Variants in DLGAP4 observed in about 807,000 individuals in gnomAD.
DLGAP4 encodes disks large-associated protein 4.
A neutral mutation model predicts 86.9 loss-of-function variants in DLGAP4; 18 were observed. The ratio of observed to expected loss-of-function variants is 0.21; its 90% CI spans 0.14 to 0.31. The LOEUF (loss-of-function observed/expected upper bound fraction) is 0.31. Among genes scored for constraint, DLGAP4 ranks in the 10% least tolerant of loss-of-function variants. DLGAP4 has a pLI of 1.00. For missense variants in DLGAP4, 1,085 were observed against 1,362.6 expected (o/e 0.80, Z 3.21); for synonymous variants, 548 against 574.3 (o/e 0.95, Z 0.65).
intron 7 of DLGAP4, among the ~76,000 whole-genome samples, chr20:36,491,691 C>T (rs148346268): frequency 6.6e-5 from 10 of 152,130 alleles, no homozygotes; most frequent in Admixed American, 1.3e-4. Context: ...GATGGATGGG[C>T]AGGGACCAAG....
chr20:36,412,979 CTT>C (rs71184093), intron 2 of DLGAP4, among the ~76,000 whole-genome samples: 202 of 110,836 alleles, frequency 1.8e-3, no homozygotes, highest in East Asian at 1.7e-3. Context: ...GAACTCTTTT[CTT>C]TTTTTTTTTT....
chr20:36,460,237 G>A (rs574654443), intron 7 of DLGAP4, among the ~76,000 whole-genome samples: 2 of 152,310 alleles, frequency 1.3e-5, no homozygotes, highest in South Asian at 4.1e-4. Context: ...AGGCCGAGGT[G>A]GGAGGATCGC....
In DLGAP4 at chr20:36,524,278, C is replaced by T. The variant is rs547703114; in HGVS notation, c.2541C>T (p.Gly847=). Residue 847 remains glycine, a synonymous_variant, in exon 11 of 13, where the codon GGC becomes GGT. Transcript: ENST00000339266. ...TAGGAAAAGTCCTCAGTGCTGTGGGCAGTGCCCAGCTACTGATGTCCCAGA... is the reference window on the plus strand; with the variant it reads ...TAGGAAAAGTCCTCAGTGCTGTGGGTAGTGCCCAGCTACTGATGTCCCAGA... ...EVLGKVLSAV[G]SAQLLMSQKF... is the part of the protein sequence containing the mutation. The T allele has an allele frequency of 1.6e-5, 26 of 1,614,094 alleles. No individual in the cohort carries two copies. In the South Asian group the frequency reaches 2.5e-4, roughly 16 times the overall value.
chr20:36,485,212 T>A (rs1167009852), intron 7 of DLGAP4, among the ~76,000 whole-genome samples: 1 of 151,922 alleles, frequency 6.6e-6, no homozygotes, highest in African/African-American at 2.4e-5. Flanking sequence ...AAAGACCCCA[T>A]CTCTACAAAA....
intron 1 of DLGAP4, among the ~76,000 whole-genome samples, chr20:36,348,418 C>CT (rs375363262): frequency 2.0e-4 from 30 of 150,112 alleles, no homozygotes; most frequent in African/African-American, 2.7e-4. Context: ...AGCTTACTTT[C>CT]TTTTTTTTTT....
chr20:36,358,226 A>G (rs973836250), intron 1 of DLGAP4, among the ~76,000 whole-genome samples: 1 of 152,232 alleles, frequency 6.6e-6, no homozygotes, highest in Non-Finnish European at 1.5e-5. Context: ...GACAGTGGAT[A>G]TGAAAATGCA....
At chr20:36,416,032 C>T (rs1442608151) in intron 2 of DLGAP4, among the ~76,000 whole-genome samples, 1 of 152,198 alleles carries the variant, frequency 6.6e-6, no homozygotes, top group Non-Finnish European at 1.5e-5. Flanking sequence ...CAGCCACAGA[C>T]CTGTCTTCCT....
intron 1 of DLGAP4, among the ~76,000 whole-genome samples, chr20:36,316,093 A>G (rs2065096611): frequency 6.6e-6 from 1 of 152,172 alleles, no homozygotes; most frequent in Admixed American, 6.5e-5. Flanking sequence ...CACAAAGCGG[A>G]AGGTGGGCTC....
rs147681012 is a variant in DLGAP4 at position 36,488,072 on chromosome 20, C to T, written c.1649-8633C>T. On this transcript the variant is annotated intron_variant, in intron 7 of 12. Coordinates refer to ENST00000339266, the MANE Select transcript of DLGAP4 (RefSeq NM_001365621.2). The stretch of plus-strand genomic sequence containing the variant: ...AAAATTAGCCGGGCATGGTGGCGCG[C>T]GCCTATAATCCCAGCTACTCAGGAG... Among the ~76,000 whole-genome samples the T allele has an allele frequency of 4.5e-3, 679 of 151,324 alleles. 5 individuals are homozygous for T. The highest frequency in any genetic ancestry group is 0.015 in the African/African-American group (600 of 41,244).
intron 7 of DLGAP4, among the ~76,000 whole-genome samples, chr20:36,463,201 G>A (rs1175295897): frequency 6.6e-6 from 1 of 152,250 alleles, no homozygotes; most frequent in Middle Eastern, 3.4e-3. Context: ...CTAACCTCTG[G>A]GGCCTTGGTT....
chr20:36,377,152 G>A (rs899321393), intron 2 of DLGAP4, among the ~76,000 whole-genome samples: 1 of 152,214 alleles, frequency 6.6e-6, no homozygotes, highest in Non-Finnish European at 1.5e-5. Context: ...TCCAGGGAAG[G>A]AGATCCCAGC....
chr20:36,463,831 C>T (rs897485163), intron 7 of DLGAP4, among the ~76,000 whole-genome samples: 2 of 152,144 alleles, frequency 1.3e-5, no homozygotes, highest in Non-Finnish European at 2.9e-5. Flanking sequence ...TGTCAAGGAG[C>T]TTAGGATGTC....
At chr20:36,437,561 TAGAC>T (rs927762376) in intron 4 of DLGAP4, among the ~76,000 whole-genome samples, 1 of 152,172 alleles carries the variant, frequency 6.6e-6, no homozygotes, top group African/African-American at 2.4e-5. Flanking sequence ...CAAAGAGTGA[TAGAC>T]AGACTTTTCC....
intron 2 of DLGAP4, among the ~76,000 whole-genome samples, chr20:36,410,354 G>A (rs1374781328): frequency 3.9e-5 from 6 of 152,200 alleles, no homozygotes; most frequent in African/African-American, 1.4e-4. Flanking sequence ...CTCAGCCATT[G>A]CAGAAGGAAG....
chr20:36,310,847 T>C (rs1424692014), intron 1 of DLGAP4, among the ~76,000 whole-genome samples: 1 of 152,200 alleles, frequency 6.6e-6, no homozygotes, highest in Non-Finnish European at 1.5e-5. Flanking sequence ...GCAAACTCAC[T>C]GGGCATCTTT....
chr20:36,313,549 G>T (rs929942455), intron 1 of DLGAP4, among the ~76,000 whole-genome samples: 4 of 116,860 alleles, frequency 3.4e-5, no homozygotes, highest in South Asian at 2.4e-4. Flanking sequence ...GCTCTGGGGT[G>T]GGGGGGGGTC....
chr20:36,395,350 C>G (rs1020407249), intron 2 of DLGAP4, among the ~76,000 whole-genome samples: 5 of 152,166 alleles, frequency 3.3e-5, no homozygotes, highest in Admixed American at 2.0e-4. Context: ...GTCTTCTTTG[C>G]TGCTGTATCC....
chr20:36,341,584 C>T (rs1468528480), intron 1 of DLGAP4, among the ~76,000 whole-genome samples: 12 of 152,238 alleles, frequency 7.9e-5, no homozygotes, highest in Admixed American at 7.8e-4. Flanking sequence ...TGAAGAACGA[C>T]GTGCAGGGGG....
intron 1 of DLGAP4, among the ~76,000 whole-genome samples, chr20:36,355,264 A>AT (rs1555893749): frequency 2.7e-5 from 4 of 147,402 alleles, no homozygotes; most frequent in East Asian, 2.0e-4. Flanking sequence ...CAGCATAATG[A>AT]TTTTTTTTCT....
Sources: gnomAD v4.1 joint callset for allele counts (sites outside exome capture counted in the v4.1 genomes callset) on GRCh38, gnomAD v4.1.1 for gene constraint, MANE v1.5 for transcripts, NCBI Gene and HGNC (gene_info 2026-07-23, HGNC 2026-07-21) for gene names.